Variants in GRB10 observed in about 807,000 individuals in gnomAD.
The protein encoded by GRB10 is growth factor receptor bound protein 10.
In GRB10, 20 loss-of-function variants were observed where a neutral mutation model predicts 80.9. The observed-to-expected ratio is 0.25, with a 90% CI of 0.17 to 0.36. The LOEUF is 0.36. GRB10 is among the 10% of genes least tolerant of loss of function. The pLI, the probability that GRB10 is intolerant of heterozygous loss-of-function variation, is 1.00. For synonymous variants in GRB10, 291 were observed against 291.5 expected (o/e 1.00, Z 0.02); for missense variants, 548 against 747.7 (o/e 0.73, Z 3.12).
chr7:50,603,934 G>T (rs1414956469), intron 17 of GRB10, 64 bp downstream of exon 17: 3 of 1,280,560 alleles, frequency 2.3e-6, no homozygotes, highest in African/African-American at 1.5e-5. Flanking sequence ...GAATTAAACA[G>T]AACAGATCCC....
At chr7:50,757,064 G>A (rs1279884517) in intron 2 of GRB10, among the ~76,000 whole-genome samples, 1 of 152,180 alleles carries the variant, frequency 6.6e-6, no homozygotes, top group Non-Finnish European at 1.5e-5. Flanking sequence ...CCTCTTACCT[G>A]ACATCAAGAA....
intron 7 of GRB10, among the ~76,000 whole-genome samples, chr7:50,661,528 A>C (rs1415948363): frequency 6.6e-6 from 1 of 151,942 alleles, no homozygotes; most frequent in East Asian, 1.9e-4. Flanking sequence ...TTAAGTTCAT[A>C]AATAAACAAG....
chr7:50,732,524 T>A (rs2070001349), intron 3 of GRB10, among the ~76,000 whole-genome samples, 156 bp from the exon 4 acceptor site: 1 of 152,182 alleles, frequency 6.6e-6, no homozygotes, highest in South Asian at 2.1e-4. Flanking sequence ...AGCTTTTTGC[T>A]GACATGCAGA....
intron 7 of GRB10, among the ~76,000 whole-genome samples, chr7:50,654,980 A>C (rs1178642288): frequency 1.3e-5 from 2 of 152,144 alleles, no homozygotes; most frequent in African/African-American, 4.8e-5. Flanking sequence ...AAAAACAAAA[A>C]CAATGTTGTT....
At chr7:50,596,522 T>A (rs1011573205) in intron 17 of GRB10, among the ~76,000 whole-genome samples, 1 of 152,220 alleles carries the variant, frequency 6.6e-6, no homozygotes, top group Non-Finnish European at 1.5e-5. Flanking sequence ...AGATTTAGGA[T>A]GAAGATGTTC....
chr7:50,695,197 A>C (rs2063296421), intron 5 of GRB10, among the ~76,000 whole-genome samples: 1 of 152,198 alleles, frequency 6.6e-6, no homozygotes, highest in Non-Finnish European at 1.5e-5. Flanking sequence ...AGAGTGAAAT[A>C]AGTCAACTTC....
At chr7:50,713,561 CCTCCACCAT>C (rs2066265590) in intron 4 of GRB10, among the ~76,000 whole-genome samples, 1 of 149,368 alleles carries the variant, frequency 6.7e-6, no homozygotes, top group Non-Finnish European at 1.5e-5. Context: ...ACCTCCACCT[CCTCCACCAT>C]CTCCATCCTC....
chr7:50,602,585 A>T (rs1313752067), intron 17 of GRB10, among the ~76,000 whole-genome samples: 1 of 152,272 alleles, frequency 6.6e-6, no homozygotes, highest in Non-Finnish European at 1.5e-5. Context: ...TTAAAAAAAT[A>T]GAAGAAAAAC....
chr7:50,756,836 T>A (rs1427361907), intron 2 of GRB10, among the ~76,000 whole-genome samples: 1 of 152,172 alleles, frequency 6.6e-6, no homozygotes, highest in Non-Finnish European at 1.5e-5. Context: ...TGCATTGGAA[T>A]GCCACTGGAT....
At position 50,749,134 on chromosome 7, in the gene GRB10, G is replaced by GTTTTTTTTTTTTTTTTTTTTTTTTTTTT. The variant is rs11405172; in HGVS notation, c.-47+6752_-47+6753insAAAAAAAAAAAAAAAAAAAAAAAAAAAA. On this transcript the variant is annotated intron_variant, in intron 3 of 18. Coordinates refer to ENST00000401949, the MANE Select transcript of GRB10 (RefSeq NM_001350814.2). ...TTTGTTTTGTTTTGTTTTTTTGTTTGTTTTTTTTTTTTGAGATGGAGTCTC... is the reference window on the plus strand; with the variant it reads ...TTTGTTTTGTTTTGTTTTTTTGTTTGTTTTTTTTTTTTTTTTTTTTTTTTTTTTTTTTTTTTTTTTGAGATGGAGTCTC... Among the ~76,000 whole-genome samples, 5 of 137,906 alleles carry GTTTTTTTTTTTTTTTTTTTTTTTTTTTT rather than the reference G, an allele frequency of 3.6e-5. 2 individuals carry two copies. The highest frequency in any genetic ancestry group is 3.1e-5 in the Non-Finnish European group (2 of 64,760). The allele number at this position is 137,906 out of a possible 152,430, so 90.5% of individuals were successfully genotyped here.
intron 4 of GRB10, among the ~76,000 whole-genome samples, chr7:50,727,432 T>A (rs1456050794): frequency 6.6e-6 from 1 of 152,226 alleles, no homozygotes; most frequent in Non-Finnish European, 1.5e-5. Context: ...GGTCTGCCAA[T>A]CAACTGTTCA....
intron 2 of GRB10, among the ~76,000 whole-genome samples, chr7:50,762,796 A>G (rs2075902576): frequency 6.6e-6 from 1 of 152,240 alleles, no homozygotes; most frequent in Non-Finnish European, 1.5e-5. Flanking sequence ...TCTGTTCAGC[A>G]AAAGACCCTA....
At chr7:50,725,581 AC>A (rs1477284261) in intron 4 of GRB10, among the ~76,000 whole-genome samples, 6 of 152,204 alleles carry the variant, frequency 3.9e-5, no homozygotes, top group African/African-American at 1.4e-4. Context: ...AAAAACAAAG[AC>A]TTTGATAAGT....
intron 7 of GRB10, among the ~76,000 whole-genome samples, chr7:50,640,058 G>A (rs1267659324): frequency 3.3e-5 from 5 of 152,188 alleles, no homozygotes; most frequent in African/African-American, 7.2e-5. Context: ...TCCTTGCTGG[G>A]GTCATCTCTA....
intron 7 of GRB10, among the ~76,000 whole-genome samples, chr7:50,667,531 G>C (rs2153634720): frequency 6.6e-6 from 1 of 152,188 alleles, no homozygotes; most frequent in Non-Finnish European, 1.5e-5. Flanking sequence ...CGTGATCCTA[G>C]ATCCAAAGCC....
At chr7:50,614,668 T>C in intron 12 of GRB10, 102 bp downstream of exon 12, 2 of 806,328 alleles carry the variant, frequency 2.5e-6, no homozygotes, top group Admixed American at 1.7e-5. Context: ...TATGTTTCTG[T>C]TGAAGACAAT....
intron 17 of GRB10, among the ~76,000 whole-genome samples, chr7:50,602,369 A>C (rs2047761609): frequency 1.3e-5 from 2 of 152,156 alleles, no homozygotes; most frequent in Admixed American, 1.3e-4. Context: ...ACCCGACACC[A>C]CTAAACAGCA....
chr7:50,686,743 A>C (rs868268775), intron 5 of GRB10, among the ~76,000 whole-genome samples: 17 of 152,220 alleles, frequency 1.1e-4, no homozygotes, highest in African/African-American at 3.4e-4. Flanking sequence ...GCTTTTCCTC[A>C]TCTTCCTACC....
chr7:50,595,602 TACACACACACACACACAC>T (rs59746858), intron 17 of GRB10, 72 bp from the exon 18 acceptor site: 31 of 561,530 alleles, frequency 5.5e-5, no homozygotes, highest in Middle Eastern at 4.3e-4. Context: ...CACACTCTCT[TACACACACACACACACAC>T]ACACACACAC....
Sources: gnomAD v4.1 joint callset for allele counts (sites outside exome capture counted in the v4.1 genomes callset) on GRCh38, gnomAD v4.1.1 for gene constraint, MANE v1.5 for transcripts, NCBI Gene and HGNC (gene_info 2026-07-23, HGNC 2026-07-21) for gene names.